PPM1L: variants seen among roughly 807,000 people sequenced by gnomAD.
PPM1L encodes protein phosphatase, Mg2+/Mn2+ dependent 1L.
In PPM1L, 13 loss-of-function variants were observed where a neutral mutation model predicts 31.4. The ratio of observed to expected loss-of-function variants is 0.41; its 90% CI spans 0.27 to 0.66. The LOEUF is 0.66. Among genes scored for constraint, PPM1L ranks in the 30% least tolerant of loss-of-function variants. The probability of loss-of-function intolerance (pLI) is 0.29; values close to 1 mark genes in which losing one functional copy is unlikely to be tolerated. For missense variants in PPM1L, 326 were observed against 453.7 expected, an observed-to-expected ratio of 0.72 and a Z score of 2.56; for synonymous variants, 184 against 175.4, an observed-to-expected ratio of 1.05 and a Z score of -0.39.
intron 1 of PPM1L, among the ~76,000 whole-genome samples, chr3:160,812,952 C>T (rs1377427754): frequency 6.6e-6 from 1 of 152,122 alleles, no homozygotes; most frequent in Non-Finnish European, 1.5e-5. Context: ...TAGCACTTGT[C>T]CTTCCAGAAC....
In PPM1L at chr3:161,026,214, G is replaced by A. The variant is rs190213694; in HGVS notation, c.575-39189G>A. 1.4e-3 allele frequency among the ~76,000 whole-genome samples: 217 copies of A among 152,272 alleles called. 1 individual carries two copies. Among genetic ancestry groups the A allele is most frequent in the Admixed American group, 4.5e-3 (69 of 15,290 alleles). ...TGGTAAGAGTTTGTACTGCCCTTAA[G>A]GGGGTACTCACTGGTGAAGGGTTAG... On this transcript the variant is annotated intron_variant, in intron 2 of 3. Transcript: ENST00000498165.
At chr3:161,053,853 G>A (rs1719340270) in intron 2 of PPM1L, among the ~76,000 whole-genome samples, 1 of 152,210 alleles carries the variant, frequency 6.6e-6, no homozygotes, top group Admixed American at 6.5e-5. Context: ...AATAGAATTT[G>A]TCATCAAGTT....
At chr3:160,923,708 C>T (rs1714494819) in intron 1 of PPM1L, among the ~76,000 whole-genome samples, 1 of 152,114 alleles carries the variant, frequency 6.6e-6, no homozygotes, top group Admixed American at 6.5e-5. Context: ...AGTAGTAAGG[C>T]TGGGTTGGAA....
At chr3:160,758,238 G>T (rs1234238142) in intron 1 of PPM1L, among the ~76,000 whole-genome samples, 1 of 152,122 alleles carries the variant, frequency 6.6e-6, no homozygotes, top group African/African-American at 2.4e-5. Flanking sequence ...GGGAAAAAAG[G>T]CTGTGTACAT....
At chr3:161,058,027 G>A (rs1265672271) in intron 2 of PPM1L, among the ~76,000 whole-genome samples, 3 of 149,682 alleles carry the variant, frequency 2.0e-5, no homozygotes, top group Admixed American at 6.7e-5. Context: ...TAATCCAAAC[G>A]TCTTGTTTTT....
chr3:160,856,704 C>T lies in PPM1L; in HGVS notation c.399+99997C>T, dbSNP rs187725167. Among the ~76,000 whole-genome samples the T allele has an allele frequency of 4.2e-3, 644 of 152,080 alleles. 6 individuals are homozygous for T. The highest frequency in any genetic ancestry group is 0.024 in the Middle Eastern group (7 of 294). On this transcript the variant is annotated intron_variant, in intron 1 of 3. Transcript: ENST00000498165. ...GGATTGAAAAACTGCCTATCAGATA[C>T]CATGCTTATTACCTGGTGATGAAAT...
chr3:160,881,665 A>G (rs1712721429), intron 1 of PPM1L, among the ~76,000 whole-genome samples: 2 of 152,134 alleles, frequency 1.3e-5, no homozygotes, highest in African/African-American at 2.4e-5. Flanking sequence ...TCTTCTATTC[A>G]GAATTCTCGA....
chr3:160,973,781 T>G (rs1391965020), intron 2 of PPM1L, among the ~76,000 whole-genome samples: 1,400 of 94,420 alleles, frequency 0.015, 39 homozygotes, highest in African/African-American at 0.055. Context: ...TTTTTTTTTT[T>G]TTTTTTTTTT....
chr3:160,904,430 A>G (rs1713671669), intron 1 of PPM1L, among the ~76,000 whole-genome samples: 1 of 152,182 alleles, frequency 6.6e-6, no homozygotes. Context: ...TACAGTAACT[A>G]TTTTTGGACA....
At chr3:160,948,138 GC>G (rs1183248772) in intron 1 of PPM1L, among the ~76,000 whole-genome samples, 3 of 152,106 alleles carry the variant, frequency 2.0e-5, no homozygotes, top group African/African-American at 4.8e-5. Flanking sequence ...GACTGTGACT[GC>G]CCGTCCAGCT....
chr3:160,862,907 A>AATT (rs1711954614), intron 1 of PPM1L, among the ~76,000 whole-genome samples: 1 of 152,200 alleles, frequency 6.6e-6, no homozygotes, highest in South Asian at 2.1e-4. Flanking sequence ...ATTTATTATA[A>AATT]ATTATAGGTT....
intron 1 of PPM1L, among the ~76,000 whole-genome samples, chr3:160,869,611 G>T (rs540136620): frequency 4.6e-5 from 7 of 151,880 alleles, no homozygotes; most frequent in African/African-American, 1.7e-4. Context: ...TCCAAAAATT[G>T]TATGACATAT....
At chr3:160,984,057 T>C (rs1019395145) in intron 2 of PPM1L, among the ~76,000 whole-genome samples, 3 of 152,174 alleles carry the variant, frequency 2.0e-5, no homozygotes, top group African/African-American at 7.2e-5. Context: ...TTGTCATTGA[T>C]AAACATTTTA....
chr3:160,914,724 A>T (rs186313618), intron 1 of PPM1L, among the ~76,000 whole-genome samples: 1 of 151,980 alleles, frequency 6.6e-6, no homozygotes. Flanking sequence ...AGTCTTTGCT[A>T]TTGTGAATAG....
At chr3:160,786,153 C>CTG (rs775015539) in intron 1 of PPM1L, among the ~76,000 whole-genome samples, 10 of 74,202 alleles carry the variant, frequency 1.3e-4, no homozygotes, top group East Asian at 9.5e-4. Flanking sequence ...CTCTCTCTCT[C>CTG]TCTCTGTGTG....
intron 2 of PPM1L, among the ~76,000 whole-genome samples, chr3:160,987,121 A>G (rs1433438375): frequency 1.3e-5 from 2 of 152,232 alleles, no homozygotes; most frequent in Admixed American, 1.3e-4. Flanking sequence ...CATGGTGTCC[A>G]GTTTGGATGG....
At chr3:160,938,449 A>G (rs746585672) in intron 1 of PPM1L, among the ~76,000 whole-genome samples, 62 of 152,152 alleles carry the variant, frequency 4.1e-4, no homozygotes, top group Non-Finnish European at 7.4e-4. Context: ...TGCAAAATAG[A>G]TTGTCATATT....
chr3:160,795,247 A>T (rs899798478), intron 1 of PPM1L, among the ~76,000 whole-genome samples: 5 of 152,228 alleles, frequency 3.3e-5, no homozygotes, highest in Non-Finnish European at 7.3e-5. Context: ...TTTAAAAAAG[A>T]CAGTCCCCCC....
intron 2 of PPM1L, among the ~76,000 whole-genome samples, chr3:160,994,054 T>C (rs1717224021): frequency 6.6e-6 from 1 of 152,064 alleles, no homozygotes; most frequent in South Asian, 2.1e-4. Context: ...TACTCAGGAT[T>C]TATAGGGGGG....
Sources: gnomAD v4.1 joint callset for allele counts (sites outside exome capture counted in the v4.1 genomes callset) on GRCh38, gnomAD v4.1.1 for gene constraint, MANE v1.5 for transcripts, NCBI Gene and HGNC (gene_info 2026-07-23, HGNC 2026-07-21) for gene names.